The following DISC1 variants were observed in gnomAD, a reference collection of about 807,000 sequenced individuals.
DISC1 encodes DISC1 scaffold protein, also known as disrupted in schizophrenia 1 protein.
DISC1 carries 57 observed loss-of-function variants against 84.5 expected under a neutral mutation model. The ratio of observed to expected loss-of-function variants is 0.67; its 90% CI spans 0.55 to 0.84. The LOEUF (loss-of-function observed/expected upper bound fraction) is 0.84. Ranked by LOEUF, DISC1 falls within the 40% of genes least tolerant of loss-of-function variation. The pLI is 0.00. For missense variants in DISC1, 1,000 were observed against 1,057.8 expected (o/e 0.95, Z 0.76); for synonymous variants, 411 against 415.2 (o/e 0.99, Z 0.12).
At position 231,677,975 on chromosome 1, in the gene DISC1, GA is replaced by G. The variant is rs913370479; in HGVS notation, c.68-15841del. On this transcript the variant is annotated intron_variant, in intron 1 of 12. Transcript: ENST00000439617. ...CTGGAGTGCAAGACTGTGTCTCAAAGAAAAAAAAAACCAACCAAAAAACAAC... is the reference window on the plus strand; with the variant it reads ...CTGGAGTGCAAGACTGTGTCTCAAAGAAAAAAAAACCAACCAAAAAACAAC... 4.4e-3 allele frequency among the ~76,000 whole-genome samples: 648 copies of G among 146,566 alleles called. 9 individuals carry two copies. Among genetic ancestry groups the G allele is most frequent in the African/African-American group, 0.015 (620 of 40,032 alleles).
At position 232,038,264 on chromosome 1, in the gene DISC1, T is replaced by C. The variant is rs1039996355; in HGVS notation, c.*1433T>C. On this transcript the variant is annotated 3_prime_UTR_variant, in exon 13 of 13. Coordinates refer to ENST00000439617, the MANE Select transcript of DISC1 (RefSeq NM_018662.3). The stretch of plus-strand genomic sequence containing the variant: ...AGTAAATCAGTGCAGTACTCAGTAA[T>C]GCAAGGGCATTTCAGGCTCCTGCTG... 4.6e-5 allele frequency: 7 copies of C among 152,294 alleles called. No homozygotes were observed. The highest frequency in any genetic ancestry group is 1.7e-4 in the African/African-American group (7 of 41,548). 9.4% of individuals were successfully genotyped at this position (152,294 alleles called of 1,614,324 possible).
chr1:232,021,357 C>T (rs979205575), intron 11 of DISC1, among the ~76,000 whole-genome samples: 2 of 150,368 alleles, frequency 1.3e-5, no homozygotes, highest in Non-Finnish European at 3.0e-5. Flanking sequence ...CACACACACA[C>T]ACACACACAC....
At chr1:231,649,060 G>A (rs2060391675) in intron 1 of DISC1, among the ~76,000 whole-genome samples, 1 of 152,038 alleles carries the variant, frequency 6.6e-6, no homozygotes, top group South Asian at 2.1e-4. Context: ...ATCTCCTTCA[G>A]TTCTGCTCTG....
intron 1 of DISC1, among the ~76,000 whole-genome samples, chr1:231,632,839 G>T (rs1328733894): frequency 3.9e-5 from 6 of 152,190 alleles, no homozygotes; most frequent in Admixed American, 3.3e-4. Flanking sequence ...GGGAGGCCAA[G>T]GTGGGCAGAT....
At chr1:231,889,128 C>T (rs2087010420) in intron 9 of DISC1, among the ~76,000 whole-genome samples, 1 of 152,108 alleles carries the variant, frequency 6.6e-6, no homozygotes, top group African/African-American at 2.4e-5. Context: ...AAGTAGAGTC[C>T]TTCAGGAGTC....
chr1:231,891,349 A>G (rs2087200194), intron 9 of DISC1, among the ~76,000 whole-genome samples: 1 of 152,216 alleles, frequency 6.6e-6, no homozygotes, highest in Admixed American at 6.5e-5. Flanking sequence ...TATAGTGTTA[A>G]TAGGATATTT....
intron 9 of DISC1, among the ~76,000 whole-genome samples, chr1:231,957,184 C>T (rs941815670): frequency 6.6e-6 from 1 of 152,184 alleles, no homozygotes; most frequent in Non-Finnish European, 1.5e-5. Context: ...CCCTATGGAA[C>T]ATTTGGCTCC....
At chr1:231,980,189 T>C (rs1052449454) in intron 10 of DISC1, among the ~76,000 whole-genome samples, 1 of 152,222 alleles carries the variant, frequency 6.6e-6, no homozygotes, top group Non-Finnish European at 1.5e-5. Context: ...AATTTAGCCA[T>C]AGATATTCAT....
At chr1:231,958,698 T>TC in intron 9 of DISC1, 130 bp from the exon 10 acceptor site, 1 of 955,744 alleles carries the variant, frequency 1.0e-6, no homozygotes, top group Non-Finnish European at 1.6e-6. Flanking sequence ...TTGAGTGTTT[T>TC]CCAAACATAG....
At chr1:231,819,595 C>G (rs2081342068) in intron 9 of DISC1, among the ~76,000 whole-genome samples, 2 of 152,050 alleles carry the variant, frequency 1.3e-5, no homozygotes, top group South Asian at 2.1e-4. Context: ...AAAGGTCAAG[C>G]CTTGTTTTTG....
At chr1:231,737,058 T>TAA (rs1282446432) in intron 3 of DISC1, among the ~76,000 whole-genome samples, 3 of 152,356 alleles carry the variant, frequency 2.0e-5, no homozygotes, top group Admixed American at 1.3e-4. Context: ...ACTGATGTGC[T>TAA]AAAGAATAAC....
chr1:232,032,396 T>C (rs952113855), intron 12 of DISC1, among the ~76,000 whole-genome samples: 1 of 152,196 alleles, frequency 6.6e-6, no homozygotes, highest in Non-Finnish European at 1.5e-5. Flanking sequence ...AATATTGCCT[T>C]ATCATCTATT....
chr1:231,859,634 A>T lies in DISC1; in HGVS notation c.1981+41117A>T, dbSNP rs553768132. ...AACATCAGTCTGTAACATCCATTTG[A>T]TGCCTACTTCAAAATTTTTTGTTGC... On this transcript the variant is annotated intron_variant, in intron 9 of 12. Coordinates refer to ENST00000439617, the MANE Select transcript of DISC1 (RefSeq NM_018662.3). Among the ~76,000 whole-genome samples, 4 of 152,288 alleles carry T rather than the reference A, an allele frequency of 2.6e-5. No individual in the cohort carries two copies. In the East Asian group the frequency reaches 7.7e-4, roughly 29 times the overall value.
At chr1:231,627,539 G>A (rs913667459) in intron 1 of DISC1, among the ~76,000 whole-genome samples, 1 of 152,278 alleles carries the variant, frequency 6.6e-6, no homozygotes, top group Non-Finnish European at 1.5e-5. Context: ...GATGGCCCAA[G>A]CCGGAGACTG....
At chr1:231,877,151 T>G (rs1313651424) in intron 9 of DISC1, among the ~76,000 whole-genome samples, 1 of 152,230 alleles carries the variant, frequency 6.6e-6, no homozygotes. Context: ...AAGGACCCAT[T>G]TCTTATCAAG....
chr1:231,947,275 C>T (rs1657428019), intron 9 of DISC1, among the ~76,000 whole-genome samples: 2 of 149,950 alleles, frequency 1.3e-5, no homozygotes, highest in Admixed American at 6.6e-5. Flanking sequence ...ACCAATGGAG[C>T]AGAACAGGGG....
At chr1:231,950,745 A>C (rs1244810587) in intron 9 of DISC1, among the ~76,000 whole-genome samples, 1 of 152,220 alleles carries the variant, frequency 6.6e-6, no homozygotes, top group East Asian at 1.9e-4. Context: ...CAGGCACAGC[A>C]GGTAAAATCG....
chr1:231,689,706 T>C (rs1436623408), intron 1 of DISC1, among the ~76,000 whole-genome samples: 1 of 152,178 alleles, frequency 6.6e-6, no homozygotes, highest in African/African-American at 2.4e-5. Flanking sequence ...GTCTGGCCAA[T>C]GTGTATTTTA....
At chr1:231,917,690 G>A (rs905002215) in intron 9 of DISC1, among the ~76,000 whole-genome samples, 3 of 152,164 alleles carry the variant, frequency 2.0e-5, no homozygotes, top group Non-Finnish European at 2.9e-5. Flanking sequence ...GGAGTGGGGC[G>A]AGCATGGCAG....
Sources: gnomAD v4.1 joint callset for allele counts (sites outside exome capture counted in the v4.1 genomes callset) on GRCh38, gnomAD v4.1.1 for gene constraint, MANE v1.5 for transcripts, NCBI Gene and HGNC (gene_info 2026-07-23, HGNC 2026-07-21) for gene names.